Variants in SLMAP observed in about 807,000 individuals in gnomAD.
The protein encoded by SLMAP is sarcolemmal membrane-associated protein.
Under a neutral mutation model 128.8 loss-of-function variants are expected in SLMAP, and 44 were observed. That is an observed-to-expected ratio of 0.34 (90% CI 0.27 to 0.44). SLMAP has a LOEUF of 0.44. Among genes scored for constraint, SLMAP ranks in the 20% least tolerant of loss-of-function variants. SLMAP has a pLI of 1.00. For missense variants in SLMAP, 787 were observed against 985.3 expected (o/e 0.80, Z 2.69); for synonymous variants, 327 against 348.8 (o/e 0.94, Z 0.70).
intron 2 of SLMAP, among the ~76,000 whole-genome samples, chr3:57,759,220 C>T (rs1375989361): frequency 2.0e-5 from 3 of 152,034 alleles, no homozygotes; most frequent in African/African-American, 7.3e-5. Context: ...AGACCCTTCA[C>T]TCGCTCCTCG....
intron 14 of SLMAP, among the ~76,000 whole-genome samples, chr3:57,887,785 G>A (rs766433627): frequency 1.3e-5 from 2 of 152,112 alleles, no homozygotes; most frequent in Non-Finnish European, 2.9e-5. Flanking sequence ...GAGTTGGGAT[G>A]TGCAGTCCTC....
chr3:57,778,382 A>C (rs868862493), intron 2 of SLMAP, among the ~76,000 whole-genome samples: 1 of 147,610 alleles, frequency 6.8e-6, no homozygotes, highest in East Asian at 2.0e-4. Flanking sequence ...TTTTTTTTCC[A>C]TTACACTTTG....
At chr3:57,819,478 G>A (rs2092295748) in intron 2 of SLMAP, among the ~76,000 whole-genome samples, 1 of 151,938 alleles carries the variant, frequency 6.6e-6, no homozygotes, top group African/African-American at 2.4e-5. Flanking sequence ...GTGTGGGCAG[G>A]TTTTTCCCCC....
intron 14 of SLMAP, among the ~76,000 whole-genome samples, chr3:57,882,778 G>A (rs533345536): frequency 1.3e-5 from 2 of 152,250 alleles, no homozygotes; most frequent in East Asian, 3.9e-4. Flanking sequence ...TTTTCTAAGG[G>A]TGAGAGAGTT....
intron 2 of SLMAP, among the ~76,000 whole-genome samples, chr3:57,799,472 T>C (rs746803871): frequency 1.8e-4 from 28 of 152,244 alleles, no homozygotes; most frequent in South Asian, 4.1e-4. Flanking sequence ...ACTTTTTGTA[T>C]CTTCTGCTAA....
intron 3 of SLMAP, among the ~76,000 whole-genome samples, chr3:57,834,451 A>G (rs1363654950): frequency 6.6e-6 from 1 of 152,200 alleles, no homozygotes; most frequent in African/African-American, 2.4e-5. Flanking sequence ...AAGAATAATA[A>G]GAGAATCTTA....
chr3:57,842,858 A>G (rs2094005434), intron 4 of SLMAP, among the ~76,000 whole-genome samples: 1 of 152,244 alleles, frequency 6.6e-6, no homozygotes, highest in Non-Finnish European at 1.5e-5. Context: ...GCAATTCTCC[A>G]GAGCTGGAGG....
At chr3:57,855,168 A>G (rs1044118179) in intron 6 of SLMAP, among the ~76,000 whole-genome samples, 6 of 152,104 alleles carry the variant, frequency 3.9e-5, no homozygotes, top group African/African-American at 1.4e-4. Flanking sequence ...ACTTGAGGCT[A>G]GGAGTTCGAG....
rs919127276 is a variant in SLMAP at position 57,864,415 on chromosome 3, A to T, written c.967-133A>T. 6.8e-6 allele frequency: 4 copies of T among 588,816 alleles called. No homozygotes were observed. The East Asian group carries it at 1.2e-4, about 18-fold the overall frequency. The allele number at this position is 588,816 out of a possible 1,614,324, so 36.5% of individuals were successfully genotyped here. ...AGAAAGAAATGTCAGGTTTACAGATAATGTTCTGTAGAACATTTCTTTTCT... is the reference window on the plus strand; with the variant it reads ...AGAAAGAAATGTCAGGTTTACAGATTATGTTCTGTAGAACATTTCTTTTCT... On this transcript the variant is annotated intron_variant, in intron 10 of 24. Transcript: ENST00000671191.
At chr3:57,917,361 A>G (rs886450565) in intron 22 of SLMAP, 2 of 577,882 alleles carry the variant, frequency 3.5e-6, no homozygotes, top group African/African-American at 1.9e-5. Flanking sequence ...AGGTCTCTTG[A>G]TCTATTGTTT....
At position 57,831,392 on chromosome 3, in the gene SLMAP, C is replaced by A; in HGVS notation, c.208C>A (p.Gln70Lys). Residue 70 changes from glutamine to lysine, a missense_variant, in exon 3 of 25, where the codon CAA becomes AAA. By Grantham distance (53) the Gln-to-Lys change is moderately conservative (BLOSUM62 1). Coordinates refer to ENST00000671191, the MANE Select transcript of SLMAP (RefSeq NM_001377540.1). ...TTGTTTTTTTTTGCAGTTTTATCTT[C>A]AAGACACTAAAAGTAGTAATGGTAC... is the stretch of plus-strand genomic sequence containing the variant. Reference protein sequence around the residue: ...FDHKTGKFYLQDTKSSNGTFI... With the variant: ...FDHKTGKFYLKDTKSSNGTFI... The A allele has an allele frequency of 6.6e-7, 1 of 1,506,982 alleles. No homozygotes were observed. Among genetic ancestry groups the A allele is most frequent in the Non-Finnish European group, 8.9e-7 (1 of 1,121,184 alleles). 93.4% of individuals were successfully genotyped at this position (1,506,982 alleles called of 1,614,324 possible). A position where few individuals can be genotyped will look rare whatever the true frequency, so the allele number is the denominator to read the frequency against.
intron 2 of SLMAP, among the ~76,000 whole-genome samples, chr3:57,802,941 A>AT (rs1195992192): frequency 1.3e-5 from 2 of 152,200 alleles, no homozygotes; most frequent in Non-Finnish European, 2.9e-5. Context: ...TAAAAAATGG[A>AT]TGATAGCACT....
intron 4 of SLMAP, among the ~76,000 whole-genome samples, chr3:57,846,858 C>T (rs1477933199): frequency 1.3e-5 from 2 of 151,990 alleles, no homozygotes; most frequent in African/African-American, 2.4e-5. Context: ...CATGCCTAGC[C>T]GAAAATGGAT....
Position 57,829,650 on chromosome 3 carries a change from A to G in SLMAP, c.199-1733A>G, listed in dbSNP as rs187778809. 3.4e-4 allele frequency among the ~76,000 whole-genome samples: 52 copies of G among 152,348 alleles called. 1 individual carries two copies. Among genetic ancestry groups the G allele is most frequent in the Admixed American group, 3.1e-3 (47 of 15,302 alleles). On this transcript the variant is annotated intron_variant, in intron 2 of 24. Coordinates refer to ENST00000671191, the MANE Select transcript of SLMAP (RefSeq NM_001377540.1). ...CACAATTTTCTAATTAATCGTCTGT[A>G]ATTAGATATACAAACTGCTAATCAA...
chr3:57,881,272 C>G (rs1172827087), intron 14 of SLMAP, among the ~76,000 whole-genome samples: 1 of 151,904 alleles, frequency 6.6e-6, no homozygotes, highest in Non-Finnish European at 1.5e-5. Context: ...TTAGATAGGT[C>G]TTTGAAGACC....
chr3:57,901,689 GAAA>G (rs893947720), intron 17 of SLMAP: 4 of 151,958 alleles, frequency 2.6e-5, no homozygotes, highest in Non-Finnish European at 4.4e-5. Flanking sequence ...ATTAGAAGGG[GAAA>G]AAAAGGAAAG....
rs548429574 is a variant in SLMAP, at chr3:57,902,794, A to G, written c.1502-5090A>G. Among the ~76,000 whole-genome samples the G allele has an allele frequency of 2.2e-4, 34 of 152,260 alleles. No individual in the cohort carries two copies. In the South Asian group the frequency reaches 7.0e-3, roughly 32 times the overall value. ...GTAGCTGTGATGGTTTTAATTTGGC[A>G]CATGCTAAACAGGAAGAGTGACCAT... On this transcript the variant is annotated intron_variant, in intron 17 of 24. Coordinates refer to ENST00000671191, the MANE Select transcript of SLMAP (RefSeq NM_001377540.1).
At position 57,831,637 on chromosome 3, in the gene SLMAP, A is replaced by G. The variant is rs1391928476; in HGVS notation, c.346+107A>G. 3 of 731,442 alleles carry G rather than the reference A, an allele frequency of 4.1e-6. No individual in the cohort carries two copies. In the African/African-American group the frequency reaches 5.5e-5, roughly 13 times the overall value. The allele number at this position is 731,442 out of a possible 1,614,324, so 45.3% of individuals were successfully genotyped here. A position where few individuals can be genotyped will look rare whatever the true frequency, so the allele number is the denominator to read the frequency against. The stretch of plus-strand genomic sequence containing the variant: ...CATTACATGCTTGTGAAAGCGATTT[A>G]AATACAGCATTATATACAGTGAAAA... On this transcript the variant is annotated intron_variant, in intron 3 of 24. Transcript: ENST00000671191.
At chr3:57,840,175 A>C (rs930034811) in intron 3 of SLMAP, among the ~76,000 whole-genome samples, 1 of 152,018 alleles carries the variant, frequency 6.6e-6, no homozygotes, top group Non-Finnish European at 1.5e-5. Flanking sequence ...GCTGGTCTCA[A>C]ACTCCTGACC....
Sources: gnomAD v4.1 joint callset for allele counts (sites outside exome capture counted in the v4.1 genomes callset) on GRCh38, gnomAD v4.1.1 for gene constraint, MANE v1.5 for transcripts, NCBI Gene and HGNC (gene_info 2026-07-23, HGNC 2026-07-21) for gene names.